OSMR: variants seen among roughly 807,000 people sequenced by gnomAD.
The protein encoded by OSMR is oncostatin M receptor.
A neutral mutation model predicts 99.9 loss-of-function variants in OSMR; 81 were observed. The ratio of observed to expected loss-of-function variants is 0.81; its 90% confidence interval spans 0.68 to 0.97. The LOEUF (loss-of-function observed/expected upper bound fraction) is 0.97, where lower values mean the gene tolerates loss of function less well. Among genes scored for constraint, OSMR ranks in the 50% least tolerant of loss-of-function variants. The probability of loss-of-function intolerance (pLI) is 0.00; values close to 1 mark genes in which losing one functional copy is unlikely to be tolerated. For synonymous variants in OSMR, 406 were observed against 410.4 expected (o/e 0.99, Z 0.13); for missense variants, 1,099 against 1,153.4 (o/e 0.95, Z 0.68).
intron 9 of OSMR, among the ~76,000 whole-genome samples, chr5:38,913,867 AAG>A (rs1745750153): frequency 6.6e-6 from 1 of 152,184 alleles, no homozygotes; most frequent in South Asian, 2.1e-4. Flanking sequence ...GTTACACAAA[AAG>A]GGGGAAGGTT....
At position 38,941,221 on chromosome 5, in the gene OSMR, G is replaced by C. The variant is rs140589719; in HGVS notation, c.75-2980G>C. 1.3e-5 allele frequency: 3 copies of C among 232,782 alleles called. No homozygotes were observed. The East Asian group carries it at 1.8e-4, about 14-fold the overall frequency. The allele number at this position is 232,782 out of a possible 1,614,324, so 14.4% of individuals were successfully genotyped here. ...ACCCACCTACCACTGCATTTAGTTT[G>C]TGCAAAACAAAAACACTGATATAAA... is the stretch of plus-strand genomic sequence containing the variant. On this transcript the variant is annotated intron_variant and NMD_transcript_variant, in intron 1 of 2. Transcript: ENST00000508882.
In OSMR at chr5:38,921,678, A is replaced by T; in HGVS notation, c.1649A>T (p.Gln550Leu). 1 of 1,614,182 alleles carries T rather than the reference A, an allele frequency of 6.2e-7. No individual in the cohort carries two copies. The highest frequency in any genetic ancestry group is 8.5e-7 in the Non-Finnish European group (1 of 1,180,016). The change falls in exon 12 of 18, where the codon CAA becomes CTA. Residue 550 changes from glutamine (Q) to leucine (L), a missense_variant. Gln to Leu is a moderately radical substitution (Grantham distance 113). Coordinates refer to ENST00000274276, the MANE Select transcript of OSMR (RefSeq NM_003999.3). ...GGATTCTCTCTGTCTTGGAAACCCC[A>T]ACCTGGAGATGTTATAGGCTATGTT... is the stretch of plus-strand genomic sequence containing the variant. ...EGGFSLSWKP[Q>L]PGDVIGYVVD...
In OSMR at chr5:38,903,865, TTTC is replaced by T; in HGVS notation, c.992-14_992-12del. 1 of 1,604,692 alleles carries T rather than the reference TTTC, an allele frequency of 6.2e-7. No homozygotes were observed. Among genetic ancestry groups the T allele is most frequent in the Non-Finnish European group, 8.5e-7 (1 of 1,174,440 alleles). On this transcript the variant is annotated splice_polypyrimidine_tract_variant and intron_variant, in intron 7 of 17. Transcript: ENST00000274276. Reference sequence around the variant, plus strand: ...CTATGCTTGAATTTTTTTGTTTCTTTTTCTTTTTTTTGACAGTTTATTTAATGA... The same window carrying T: ...CTATGCTTGAATTTTTTTGTTTCTTTTTTTTTTTGACAGTTTATTTAATGA...
rs748949162 is a variant in OSMR at position 38,925,372 on chromosome 5, GTGAGTTTTCCCAAAT to G, written c.2212+2_2212+16del. 9.5e-5 allele frequency: 153 copies of G among 1,612,868 alleles called. No individual in the cohort carries two copies. The highest frequency in any genetic ancestry group is 1.2e-4 in the Non-Finnish European group (145 of 1,178,956). ...AAGGTCACGACTCCGGATGAACACT[GTGAGTTTTCCCAAAT>G]CAAAGTTCTTCCCTTAGGAGTTTCT... On this transcript the variant is annotated splice_donor_variant and splice_donor_5th_base_variant and intron_variant, in intron 15 of 17. Coordinates refer to ENST00000274276, the MANE Select transcript of OSMR (RefSeq NM_003999.3). LOFTEE classifies it high-confidence loss of function.
chr5:38,875,009 A>G (rs1032800937), intron 2 of OSMR, among the ~76,000 whole-genome samples: 20 of 152,182 alleles, frequency 1.3e-4, no homozygotes, highest in Admixed American at 1.3e-3. Context: ...AGTATTGGAG[A>G]CTGTTTCCAT....
In OSMR at chr5:38,924,537, C is replaced by G. The variant is rs1203031937; in HGVS notation, c.1986C>G (p.Val662=). ...SQPGFIQGYH[V]YLKSKARQCH... ...CTGGTTTTATACAAGGGTACCATGT[C>G]TATCTGAAATCCAAGGCGAGGCAGT... The change falls in exon 14 of 18, where the codon GTC becomes GTG. Residue 662 remains valine (V), a synonymous_variant. Transcript: ENST00000274276. 2 of 1,614,120 alleles carry G rather than the reference C, an allele frequency of 1.2e-6. No homozygotes were observed. The highest frequency in any genetic ancestry group is 3.3e-5 in the Admixed American group (2 of 60,026).
chr5:38,918,737 T>C (rs990634759), intron 10 of OSMR, 103 bp from the exon 11 acceptor site: 4 of 1,545,604 alleles, frequency 2.6e-6, no homozygotes, highest in African/African-American at 2.8e-5. Flanking sequence ...TTCTGGTGTG[T>C]GCGTATATAA....
At chr5:38,862,244 G>C (rs1283467564) in intron 1 of OSMR, among the ~76,000 whole-genome samples, 1 of 112,862 alleles carries the variant, frequency 8.9e-6, no homozygotes, top group Admixed American at 8.0e-5. Flanking sequence ...TGGGCGGGGG[G>C]CTGACCCCCT....
At chr5:38,932,586 C>A in intron 17 of OSMR, 51 bp downstream of exon 17, 2 of 1,578,498 alleles carry the variant, frequency 1.3e-6, no homozygotes, top group South Asian at 1.1e-5. Context: ...AGGACTAACC[C>A]AGAGTGGGGG....
chr5:38,911,317 T>C (rs922574488), intron 9 of OSMR, among the ~76,000 whole-genome samples: 9 of 152,004 alleles, frequency 5.9e-5, no homozygotes, highest in African/African-American at 1.9e-4. Flanking sequence ...GGACACAAAC[T>C]AGAAAACATA....
intron 15 of OSMR, 120 bp downstream of exon 15, chr5:38,925,491 T>C: frequency 2.4e-6 from 2 of 840,162 alleles, no homozygotes; most frequent in South Asian, 2.8e-5. Flanking sequence ...TCTCCCCTTC[T>C]CACCTCCCTC....
intron 7 of OSMR, among the ~76,000 whole-genome samples, chr5:38,893,355 G>C (rs1197903034): frequency 2.0e-5 from 3 of 152,156 alleles, no homozygotes; most frequent in Non-Finnish European, 4.4e-5. Flanking sequence ...ACTCAGAAAT[G>C]ACAGATAAAG....
At chr5:38,847,068 C>T (rs1739901119) in intron 1 of OSMR, among the ~76,000 whole-genome samples, 1 of 152,122 alleles carries the variant, frequency 6.6e-6, no homozygotes, top group African/African-American at 2.4e-5. Flanking sequence ...ACTTTGGGAA[C>T]AAGATATTCA....
At chr5:38,895,573 T>G (rs1744452465) in intron 7 of OSMR, among the ~76,000 whole-genome samples, 1 of 152,088 alleles carries the variant, frequency 6.6e-6, no homozygotes, top group African/African-American at 2.4e-5. Flanking sequence ...TTGGAAAAAA[T>G]GTATTCCCAT....
intron 7 of OSMR, among the ~76,000 whole-genome samples, chr5:38,896,897 A>T (rs1004204680): frequency 6.6e-6 from 1 of 152,004 alleles, no homozygotes; most frequent in Non-Finnish European, 1.5e-5. Context: ...TTTAGCATCA[A>T]TTGAAATGAT....
intron 1 of OSMR, among the ~76,000 whole-genome samples, chr5:38,851,969 G>C (rs1283909121): frequency 6.6e-6 from 1 of 152,180 alleles, no homozygotes; most frequent in African/African-American, 2.4e-5. Context: ...CACCATGACT[G>C]TGAGGCCTCC....
chr5:38,916,424 C>T (rs73751810), intron 9 of OSMR, among the ~76,000 whole-genome samples: 1,836 of 152,320 alleles, frequency 0.012, 44 homozygotes, highest in African/African-American at 0.041. Flanking sequence ...GAGAAATTAA[C>T]TTACTCTCTC....
intron 7 of OSMR, among the ~76,000 whole-genome samples, chr5:38,888,578 A>G (rs1307518564): frequency 6.6e-6 from 1 of 152,214 alleles, no homozygotes; most frequent in Non-Finnish European, 1.5e-5. Flanking sequence ...GAAAACAGTT[A>G]AAATCATTGT....
rs764905357 is a variant in OSMR, at chr5:38,916,814, AAACG to A, written c.1286-731_1286-728del. On this transcript the variant is annotated intron_variant, in intron 9 of 17. Coordinates refer to ENST00000274276, the MANE Select transcript of OSMR (RefSeq NM_003999.3). ...TTTGAAGTTCGGTTTTTATTCATTC[AAACG>A]GTTTGTAGAGCTTTCACGAAGTGCC... is the stretch of plus-strand genomic sequence containing the variant. Among the ~76,000 whole-genome samples the A allele has an allele frequency of 2.0e-5, 3 of 152,148 alleles. No individual in the cohort carries two copies. The South Asian group carries it at 6.2e-4, about 31-fold the overall frequency.
Sources: gnomAD v4.1 joint callset for allele counts (sites outside exome capture counted in the v4.1 genomes callset) on GRCh38, gnomAD v4.1.1 for gene constraint, MANE v1.5 for transcripts, NCBI Gene and HGNC (gene_info 2026-07-23, HGNC 2026-07-21) for gene names.